Variants in SLC26A1 observed in about 807,000 individuals in gnomAD.
The protein encoded by SLC26A1 is sulfate anion transporter 1.
SLC26A1 carries 18 observed loss-of-function variants against 14.5 expected under a neutral mutation model. That is an observed-to-expected ratio of 1.24 (90% CI 0.86 to 1.84). The LOEUF (loss-of-function observed/expected upper bound fraction) is 1.84. Among genes scored for constraint, SLC26A1 ranks in the 40% most tolerant of loss-of-function variants. The probability of loss-of-function intolerance (pLI) is 0.00; values close to 1 mark genes in which losing one functional copy is unlikely to be tolerated. For missense variants in SLC26A1, 1,049 were observed against 1,020.0 expected (o/e 1.03, Z -0.39); for synonymous variants, 505 against 492.0 (o/e 1.03, Z -0.35).
Position 991,415 on chromosome 4 carries a change from G to A in SLC26A1, c.289C>T (p.Gln97Ter), listed in dbSNP as rs1714311640. 6.2e-7 allele frequency: 1 copy of A among 1,612,822 alleles called. No homozygotes were observed. The highest frequency in any genetic ancestry group is 8.5e-7 in the Non-Finnish European group (1 of 1,179,952). ...GACGTATAGAGGCTGTAGATGGGCT[G>A]CAGCCCGGCCAGCAATGAGTAGGCG... ...AIAYSLLAGL[Q>*]PIYSLYTSFF... Residue 97 changes from glutamine (Q) to a stop codon, truncating the protein, a stop_gained, in exon 2 of 3, where the codon CAG (glutamine) becomes TAG (stop). Transcript: ENST00000398516. LOFTEE classifies it high-confidence loss of function.
chr4:990,362 C>T lies in SLC26A1; in HGVS notation c.577G>A (p.Val193Ile). ...CCCAGCCGGAGGACGCCCATGAGGA[C>T]CTGTGGACGGAGTGCGGTCAGGCCA... The part of the protein sequence containing the change: ...ALTLMTGLYQ[V>I]LMGVLRLGFV... The change falls in exon 3 of 3, where the codon GTC becomes ATC. Residue 193 changes from valine to isoleucine, a missense_variant and splice_region_variant. Transcript: ENST00000398516. The T allele has an allele frequency of 1.9e-6, 3 of 1,592,286 alleles. 1 individual carries two copies. The South Asian group carries it at 3.4e-5, about 18-fold the overall frequency.
chr4:990,388 G>A (rs1469364767), intron 2 of SLC26A1, 26 bp from the exon 3 acceptor site: 9 of 1,553,026 alleles, frequency 5.8e-6, no homozygotes, highest in Non-Finnish European at 7.8e-6. Flanking sequence ...GGTCAGGCCA[G>A]CAGGCGCCTG....
chr4:991,222 G>T lies in SLC26A1; in HGVS notation c.482C>A (p.Thr161Asn), dbSNP rs868348187. Reference sequence around the variant, plus strand: ...CAGCATGGCAGCCGAGCCGTTGAGGGTGCTGCTGTTGGCTCCGGGCTGCAG... The same window carrying T: ...CAGCATGGCAGCCGAGCCGTTGAGGTTGCTGCTGTTGGCTCCGGGCTGCAG... ...DGLQPGANSS[T>N]LNGSAAMLDC... Residue 161 changes from threonine to asparagine, a missense_variant, in exon 2 of 3, where the codon ACC becomes AAC. Transcript: ENST00000398516. 1.2e-6 allele frequency: 2 copies of T among 1,610,438 alleles called. No individual in the cohort carries two copies. Among genetic ancestry groups the T allele is most frequent in the African/African-American group, 2.7e-5 (2 of 74,910 alleles).
chr4:988,798 G>C lies in SLC26A1; in HGVS notation c.*35C>G. The C allele has an allele frequency of 6.6e-7, 1 of 1,509,164 alleles. No individual in the cohort carries two copies. The highest frequency in any genetic ancestry group is 2.4e-5 in the East Asian group (1 of 41,136). 93.5% of individuals were successfully genotyped at this position (1,509,164 alleles called of 1,614,324 possible). A position where few individuals can be genotyped will look rare whatever the true frequency, so the allele number is the denominator to read the frequency against. On this transcript the variant is annotated 3_prime_UTR_variant, in exon 3 of 3. Coordinates refer to ENST00000398516, the MANE Select transcript of SLC26A1 (RefSeq NM_022042.4). ...GCAGACGTCTGCTGTGGGTCCCCAG[G>C]AGGGAGCAGAGGCTGCTGGGCAGGC...
chr4:988,393 G>A lies in SLC26A1; in HGVS notation c.*440C>T, dbSNP rs1346172974. ...GTGTGTGGGGCCTTCTGGAAACACAGAGACCCTCGTGCACTTGGCCAGAGC... is the reference window on the plus strand; with the variant it reads ...GTGTGTGGGGCCTTCTGGAAACACAAAGACCCTCGTGCACTTGGCCAGAGC... On this transcript the variant is annotated 3_prime_UTR_variant, in exon 3 of 3. Coordinates refer to ENST00000398516, the MANE Select transcript of SLC26A1 (RefSeq NM_022042.4). 2.8e-6 allele frequency: 3 copies of A among 1,060,574 alleles called. No homozygotes were observed. The highest frequency in any genetic ancestry group is 3.4e-6 in the Non-Finnish European group (3 of 877,910). The allele number at this position is 1,060,574 out of a possible 1,614,324, so 65.7% of individuals were successfully genotyped here. A position where few individuals can be genotyped will look rare whatever the true frequency, so the allele number is the denominator to read the frequency against.
In SLC26A1 at chr4:991,675, T is replaced by C. The variant is rs1714353294; in HGVS notation, c.29A>G (p.Gln10Arg). 7 of 1,535,160 alleles carry C rather than the reference T, an allele frequency of 4.6e-6. No individual in the cohort carries two copies. In the East Asian group the frequency reaches 1.6e-4, roughly 35 times the overall value. MDESPEPLQ[Q>R]GRGPVPVRRQ... ...TCGGACCGGCACCGGCCCTCTGCCC[T>C]GCTGCAGAGGCTCAGGGGACTCGTC... The change falls in exon 2 of 3, where the codon CAG (glutamine) becomes CGG (arginine). Residue 10 changes from glutamine (Q) to arginine (R), a missense_variant. Physicochemically the swap from Gln to Arg is conservative, Grantham distance 43. Transcript: ENST00000398516.
Position 990,219 on chromosome 4 carries a change from C to T in SLC26A1, c.720G>A (p.Gln240=), listed in dbSNP as rs1168039020. 6.4e-7 allele frequency: 1 copy of T among 1,567,108 alleles called. No individual in the cohort carries two copies. The highest frequency in any genetic ancestry group is 1.3e-5 in the African/African-American group (1 of 74,304). The change falls in exon 3 of 3, where the codon CAG becomes CAA. Residue 240 remains glutamine (Q), a synonymous_variant. Transcript: ENST00000398516. ...HLLGVRIPRH[Q]GPGMVVLTWL... ...ATGTGAGGACCACCATGCCGGGCCC[C>T]TGGTGCCGCGGGATCCGCACGCCCA...
At chr4:992,579 TGGGACG>T in intron 1 of SLC26A1, 13 of 213,898 alleles carry the variant, frequency 6.1e-5, no homozygotes, top group Admixed American at 1.2e-4. Flanking sequence ...CAGACAGTTC[TGGGACG>T]TGAGGCGCCC....
downstream of SLC26A1, among the ~76,000 whole-genome samples, chr4:986,518 G>T (rs1056483057): frequency 6.6e-6 from 1 of 152,230 alleles, no homozygotes; most frequent in African/African-American, 2.4e-5. Context: ...GTATTATTTC[G>T]TATTGCTTTG....
rs749562383 is a variant in SLC26A1 at position 991,510 on chromosome 4, G to A, written c.194C>T (p.Pro65Leu). The change falls in exon 2 of 3, where the codon CCG becomes CTG. Residue 65 changes from proline to leucine, a missense_variant. Transcript: ENST00000398516. ...GACGTCGCCTGCCAGGTACTCCCGC[G>A]GGCGGTACTGACGCAGCCAGCGCGT... ...PATRWLRQYR[P>L]REYLAGDVMS... The A allele has an allele frequency of 2.7e-5, 43 of 1,609,426 alleles. No homozygotes were observed. The highest frequency in any genetic ancestry group is 1.0e-4 in the Admixed American group (6 of 59,902).
exon 3 of SLC26A1, chr4:979,422 T>C (rs1216207260): frequency 1.9e-6 from 3 of 1,573,100 alleles, no homozygotes; most frequent in Non-Finnish European, 2.6e-6. Context: ...AGATCTTTCC[T>C]CCTCTTCCAG....
rs143915071 is a variant in SLC26A1 at position 989,342 on chromosome 4, G to A, written c.1597C>T (p.Pro533Ser). The A allele has an allele frequency of 1.1e-5, 17 of 1,603,950 alleles. No individual in the cohort carries two copies. The highest frequency in any genetic ancestry group is 1.3e-5 in the Non-Finnish European group (15 of 1,175,840). Residue 533 changes from proline (P) to serine (S), a missense_variant, in exon 3 of 3, where the codon CCT becomes TCT. Physicochemically the swap from Pro to Ser is moderately conservative, Grantham distance 74. Coordinates refer to ENST00000398516, the MANE Select transcript of SLC26A1 (RefSeq NM_022042.4). ...EDATEFEGLV[P>S]EPGVRVFRFG... Reference sequence around the variant, plus strand: ...CGGAACACCCGCACGCCGGGCTCAGGGACGAGGCCCTCGAACTCTGTGGCA... The same window carrying A: ...CGGAACACCCGCACGCCGGGCTCAGAGACGAGGCCCTCGAACTCTGTGGCA...
chr4:981,912 C>T (rs980503845), intron 2 of SLC26A1, among the ~76,000 whole-genome samples: 2 of 152,050 alleles, frequency 1.3e-5, no homozygotes, highest in African/African-American at 2.4e-5. Flanking sequence ...GTGCACTTCC[C>T]GGGTTCACGC....
chr4:990,609 G>T lies in SLC26A1; in HGVS notation c.577-247C>A. 4 of 551,896 alleles carry T rather than the reference G, an allele frequency of 7.2e-6. No individual in the cohort carries two copies. The South Asian group carries it at 9.6e-5, about 13-fold the overall frequency. 34.2% of individuals were successfully genotyped at this position (551,896 alleles called of 1,614,324 possible). ...CGTGCACACAGCTGGCCATAGACAC[G>T]TCTAACCCTTGTCACGTGCAGCAGC... On this transcript the variant is annotated intron_variant, in intron 2 of 2. Transcript: ENST00000398516.
downstream of SLC26A1, chr4:987,338 C>T (rs1477842105): frequency 2.5e-6 from 3 of 1,222,200 alleles, no homozygotes; most frequent in Non-Finnish European, 3.4e-6. Context: ...GACCGGAGCT[C>T]CCTCCTCTGG....
chr4:992,578 C>T, intron 1 of SLC26A1: 12 of 214,742 alleles, frequency 5.6e-5, no homozygotes, highest in Admixed American at 1.1e-4. Flanking sequence ...CCAGACAGTT[C>T]TGGGACGTGA....
At position 988,943 on chromosome 4, in the gene SLC26A1, C is replaced by A; in HGVS notation, c.1996G>T (p.Gly666Cys). ...ILSRGGFLGE[G>C]PGDTAEEEQL... ...TCCTCCTCAGCCGTGTCCCCGGGGC[C>A]CTCCCCGAGGAAGCCTCCTCTGCTC... The change falls in exon 3 of 3, where the codon GGC (glycine) becomes TGC (cysteine). Residue 666 changes from glycine (G) to cysteine (C), a missense_variant. By Grantham distance (159) the Gly-to-Cys change is radical (BLOSUM62 -3). Coordinates refer to ENST00000398516, the MANE Select transcript of SLC26A1 (RefSeq NM_022042.4). 1 of 1,597,658 alleles carries A rather than the reference C, an allele frequency of 6.3e-7. No individual in the cohort carries two copies. The highest frequency in any genetic ancestry group is 2.3e-5 in the East Asian group (1 of 43,760).
intron 2 of SLC26A1, among the ~76,000 whole-genome samples, chr4:980,269 C>T (rs1264213455): frequency 6.6e-6 from 1 of 152,190 alleles, no homozygotes; most frequent in South Asian, 2.1e-4. Flanking sequence ...AGGATCAAGA[C>T]GCCCAAGGCC....
Position 993,323 on chromosome 4 carries a change from G to A in SLC26A1, c.-50C>T, listed in dbSNP as rs574181406. ...TACCTGAGGGAGTCCTCACAGGCGC[G>A]GAGGGCCCTGGGATGACGAGGGGCT... On this transcript the variant is annotated 5_prime_UTR_variant, in exon 1 of 3. Transcript: ENST00000398516. 1.5e-4 allele frequency: 23 copies of A among 152,360 alleles called. No homozygotes were observed. The highest frequency in any genetic ancestry group is 5.0e-4 in the African/African-American group (21 of 41,592). The allele number at this position is 152,360 out of a possible 1,614,324, so 9.4% of individuals were successfully genotyped here. A position where few individuals can be genotyped will look rare whatever the true frequency, so the allele number is the denominator to read the frequency against.
Sources: gnomAD v4.1 joint callset for allele counts (sites outside exome capture counted in the v4.1 genomes callset) on GRCh38, gnomAD v4.1.1 for gene constraint, MANE v1.5 for transcripts, NCBI Gene and HGNC (gene_info 2026-07-23, HGNC 2026-07-21) for gene names.